Variants in ZMYND8 observed in about 807,000 individuals in gnomAD.
ZMYND8 encodes MYND-type zinc finger-containing chromatin reader ZMYND8.
A neutral mutation model predicts 140.8 loss-of-function variants in ZMYND8; 37 were observed. That is an observed-to-expected ratio of 0.26 (90% CI 0.20 to 0.35). ZMYND8 has a LOEUF of 0.35. ZMYND8 is among the 10% of genes least tolerant of loss of function. The pLI is 1.00. For missense variants in ZMYND8, 1,068 were observed against 1,570.0 expected, an observed-to-expected ratio of 0.68 and a Z score of 5.40; for synonymous variants, 592 against 597.1, an observed-to-expected ratio of 0.99 and a Z score of 0.12.
At chr20:47,228,644 G>T (rs2038039645) in intron 17 of ZMYND8, among the ~76,000 whole-genome samples, 1 of 152,134 alleles carries the variant, frequency 6.6e-6, no homozygotes, top group Non-Finnish European at 1.5e-5. Context: ...TTTTTCTTGG[G>T]TCTCTTAAAT....
intron 2 of ZMYND8, 104 bp from the exon 3 acceptor site, chr20:47,310,308 T>TC (rs2078825697): frequency 2.2e-6 from 3 of 1,361,386 alleles, no homozygotes. Flanking sequence ...GTGCATTCTG[T>TC]CCCCCAACTC....
intron 11 of ZMYND8, among the ~76,000 whole-genome samples, chr20:47,270,625 C>G (rs1601473564): frequency 7.0e-6 from 1 of 142,122 alleles, no homozygotes; most frequent in East Asian, 2.1e-4. Flanking sequence ...ACTCAGGAGG[C>G]TAAGGCGGGA....
intron 15 of ZMYND8, chr20:47,237,181 C>T (rs1004774706): frequency 2.0e-5 from 3 of 150,662 alleles, no homozygotes; most frequent in Admixed American, 6.6e-5. Context: ...CTCACTCTGT[C>T]GCCCAGGCTG....
At chr20:47,314,681 T>G (rs558696689) in intron 2 of ZMYND8, among the ~76,000 whole-genome samples, 1 of 152,298 alleles carries the variant, frequency 6.6e-6, no homozygotes, top group South Asian at 2.1e-4. Context: ...GTCTGAGTTC[T>G]CAACTCTACA....
At chr20:47,213,561 T>C (rs942935011) in intron 21 of ZMYND8, among the ~76,000 whole-genome samples, 2 of 152,178 alleles carry the variant, frequency 1.3e-5, no homozygotes, top group African/African-American at 2.4e-5. Flanking sequence ...AGAATGCACA[T>C]GTTCTCAACC....
chr20:47,309,729 C>T (rs1468379039), intron 3 of ZMYND8, among the ~76,000 whole-genome samples: 1 of 151,638 alleles, frequency 6.6e-6, no homozygotes. Context: ...GAGGGGAAAA[C>T]TCCTCAGGCC....
intron 17 of ZMYND8, 106 bp downstream of exon 17, chr20:47,229,620 G>A (rs1463193689): frequency 1.9e-6 from 2 of 1,056,858 alleles, no homozygotes; most frequent in East Asian, 2.4e-5. Flanking sequence ...TAGTGACCAA[G>A]CCAGGACCCC....
At chr20:47,343,080 A>G (rs1317121480) in intron 2 of ZMYND8, among the ~76,000 whole-genome samples, 2 of 152,126 alleles carry the variant, frequency 1.3e-5, no homozygotes, top group African/African-American at 4.8e-5. Context: ...GGGAAATTCA[A>G]AACCAGCCTG....
At chr20:47,236,932 C>T (rs1443525146) in intron 15 of ZMYND8, among the ~76,000 whole-genome samples, 1 of 152,218 alleles carries the variant, frequency 6.6e-6, no homozygotes, top group East Asian at 1.9e-4. Flanking sequence ...ACTTCCCTGA[C>T]TCTACTGAGG....
intron 3 of ZMYND8, among the ~76,000 whole-genome samples, chr20:47,309,294 GA>G (rs112489057): frequency 2.0e-5 from 3 of 151,756 alleles, no homozygotes; most frequent in African/African-American, 7.2e-5. Flanking sequence ...TCTTACCAAA[GA>G]ACCTAAACCC....
intron 2 of ZMYND8, among the ~76,000 whole-genome samples, chr20:47,335,084 A>C (rs1223037995): frequency 6.6e-6 from 1 of 151,842 alleles, no homozygotes. Context: ...CATCTCTACA[A>C]AAAAATATAA....
intron 2 of ZMYND8, among the ~76,000 whole-genome samples, chr20:47,323,129 G>T (rs1416116955): frequency 1.3e-5 from 2 of 152,174 alleles, no homozygotes; most frequent in Non-Finnish European, 2.9e-5. Context: ...TGAATGAAAG[G>T]CATCTGGCAC....
intron 2 of ZMYND8, chr20:47,319,410 T>C (rs567933418): frequency 8.9e-6 from 2 of 223,690 alleles, no homozygotes; most frequent in Admixed American, 5.2e-5. Flanking sequence ...TGGTTTGCAT[T>C]TTGAAGTTGT....
intron 18 of ZMYND8, among the ~76,000 whole-genome samples, 161 bp downstream of exon 18, chr20:47,227,042 G>A (rs545790556): frequency 7.0e-4 from 106 of 152,154 alleles, no homozygotes; most frequent in Non-Finnish European, 1.3e-3. Flanking sequence ...TCTTACACCT[G>A]GTTTCTCCAG....
chr20:47,277,805 G>A (rs564431733), intron 10 of ZMYND8, among the ~76,000 whole-genome samples: 2 of 152,162 alleles, frequency 1.3e-5, no homozygotes, highest in Non-Finnish European at 2.9e-5. Context: ...CAAGTAGCCA[G>A]AACTGCAGGT....
chr20:47,298,740 G>A lies in ZMYND8; in HGVS notation c.442C>T (p.Pro148Ser). The change falls in exon 4 of 23, where the codon CCT becomes TCT. Residue 148 changes from proline to serine, a missense_variant. This residue lies in a region of ZMYND8 where 109 missense variants were observed against 314.9 expected (regional missense o/e 0.35). Coordinates refer to ENST00000471951, the MANE Select transcript of ZMYND8 (RefSeq NM_001281775.3). This position sits in a 1 kb window ranked among gnomAD's most constrained non-coding sequence, Gnocchi z 5.0. ...CATCAGGAACTAACCTCACATTCAG[G>A]ACAAAACCAGTCCCCCTCTGGTTCC... is the stretch of plus-strand genomic sequence containing the variant. ...TSEPEGDWFC[P>S]ECEKITVAEC... 1 of 1,613,084 alleles carries A rather than the reference G, an allele frequency of 6.2e-7. No individual in the cohort carries two copies. Among genetic ancestry groups the A allele is most frequent in the Non-Finnish European group, 8.5e-7 (1 of 1,179,560 alleles).
intron 12 of ZMYND8, among the ~76,000 whole-genome samples, chr20:47,258,086 C>T (rs2074886772): frequency 6.6e-6 from 1 of 152,178 alleles, no homozygotes; most frequent in Admixed American, 6.5e-5. Flanking sequence ...CTGTAATAAT[C>T]TAGAGTTCTG....
intron 12 of ZMYND8, among the ~76,000 whole-genome samples, chr20:47,256,367 C>T (rs1004074610): frequency 6.6e-6 from 1 of 152,164 alleles, no homozygotes; most frequent in Non-Finnish European, 1.5e-5. Context: ...CGCCTGTAAT[C>T]CCAGCACTTT....
At chr20:47,243,498 T>A (rs1242626627) in intron 14 of ZMYND8, among the ~76,000 whole-genome samples, 1 of 152,186 alleles carries the variant, frequency 6.6e-6, no homozygotes, top group Non-Finnish European at 1.5e-5. Flanking sequence ...ACTAGAATGG[T>A]TTTTTGTTTT....
Sources: gnomAD v4.1 joint callset for allele counts (sites outside exome capture counted in the v4.1 genomes callset) on GRCh38, gnomAD v4.1.1 for gene constraint, gnomAD v4.1.1 regional missense constraint, Gnocchi (gnomAD v3.1) non-coding constraint, MANE v1.5 for transcripts, NCBI Gene and HGNC (gene_info 2026-07-23, HGNC 2026-07-21) for gene names.